The following HNRNPM variants were observed in gnomAD, a reference collection of about 807,000 sequenced individuals.
HNRNPM encodes heterogeneous nuclear ribonucleoprotein M, also known as CEA receptor.
In HNRNPM, 11 loss-of-function variants were observed where a neutral mutation model predicts 73.1. The observed-to-expected ratio is 0.15, with a 90% CI of 0.09 to 0.25. The LOEUF (loss-of-function observed/expected upper bound fraction) is 0.25. HNRNPM is among the 10% of genes least tolerant of loss of function. The pLI, the probability that HNRNPM is intolerant of heterozygous loss-of-function variation, is 1.00. For synonymous variants in HNRNPM, 407 were observed against 355.2 expected (o/e 1.15, Z -1.64); for missense variants, 789 against 1,067.9 (o/e 0.74, Z 3.64).
At chr19:8,472,172 G>GA (rs34058302) in intron 10 of HNRNPM, among the ~76,000 whole-genome samples, 1,002 of 83,476 alleles carry the variant, frequency 0.012, 11 homozygotes, top group East Asian at 0.022. Flanking sequence ...TCCGTCTCCA[G>GA]AAAAAAAAAA....
intron 10 of HNRNPM, 52 bp downstream of exon 10, chr19:8,471,479 A>T (rs972787845): frequency 2.7e-6 from 3 of 1,113,142 alleles, no homozygotes; most frequent in Non-Finnish European, 3.9e-6. Flanking sequence ...GAAAATTATT[A>T]ATTATTGGGA....
intron 10 of HNRNPM, among the ~76,000 whole-genome samples, chr19:8,472,795 C>T (rs895731373): frequency 4.6e-5 from 7 of 152,108 alleles, no homozygotes; most frequent in Non-Finnish European, 1.5e-5. Context: ...TTGGTCAGGC[C>T]GGGCTGGAAC....
chr19:8,473,935 A>C (rs150970517), intron 11 of HNRNPM, among the ~76,000 whole-genome samples: 1 of 151,622 alleles, frequency 6.6e-6, no homozygotes, highest in East Asian at 1.9e-4. Flanking sequence ...CTCCATCTCT[A>C]TGCCTCTTTT....
In HNRNPM at chr19:8,488,653, G is replaced by T. The variant is rs370923773; in HGVS notation, c.2030-38G>T. The T allele has an allele frequency of 4.4e-6, 7 of 1,580,656 alleles. No homozygotes were observed. In the South Asian group the frequency reaches 7.9e-5, roughly 18 times the overall value. ...CTGTCCACCAAAATCTAACAAAATC[G>T]GGACTGAGTGTCGTCTCTTCTTCCC... On this transcript the variant is annotated intron_variant, in intron 15 of 15. Transcript: ENST00000325495.
At chr19:8,451,176 G>A (rs1335014871) in intron 1 of HNRNPM, among the ~76,000 whole-genome samples, 1 of 152,020 alleles carries the variant, frequency 6.6e-6, no homozygotes, top group African/African-American at 2.4e-5. Flanking sequence ...CAAAGTGCTG[G>A]GATTACAGAC....
chr19:8,464,574 G>C (rs141919559), intron 5 of HNRNPM, among the ~76,000 whole-genome samples: 7 of 152,172 alleles, frequency 4.6e-5, no homozygotes, highest in African/African-American at 1.7e-4. Context: ...GGAGGTTGCA[G>C]TGAGCCGAGA....
At chr19:8,467,801 C>G (rs935782400) in intron 8 of HNRNPM, among the ~76,000 whole-genome samples, 1 of 151,992 alleles carries the variant, frequency 6.6e-6, no homozygotes, top group Non-Finnish European at 1.5e-5. Context: ...CTGAGGCAGG[C>G]GGATCATGAG....
intron 1 of HNRNPM, among the ~76,000 whole-genome samples, chr19:8,454,502 A>C (rs1415529923): frequency 6.6e-6 from 1 of 151,822 alleles, no homozygotes; most frequent in African/African-American, 2.4e-5. Flanking sequence ...GGTTGTTTCT[A>C]CCTTTTGGCT....
At chr19:8,475,411 T>C (rs922599682) in intron 12 of HNRNPM, among the ~76,000 whole-genome samples, 1 of 152,246 alleles carries the variant, frequency 6.6e-6, no homozygotes, top group Non-Finnish European at 1.5e-5. Flanking sequence ...ACAGAAACTT[T>C]CTTGGACTGA....
In HNRNPM at chr19:8,486,001, A is replaced by G. The variant is rs1971264714; in HGVS notation, c.1573A>G (p.Met525Val). The G allele has an allele frequency of 6.2e-7, 1 of 1,605,246 alleles. No homozygotes were observed. The highest frequency in any genetic ancestry group is 8.5e-7 in the Non-Finnish European group (1 of 1,179,018). The change falls in exon 14 of 16, where the codon ATG (methionine) becomes GTG (valine). Residue 525 changes from methionine to valine, a missense_variant. Met to Val is a conservative substitution (Grantham distance 21). This residue lies in a region of HNRNPM where 604 missense variants were observed against 744.0 expected (regional missense o/e 0.81). Transcript: ENST00000325495. ...GCGCATGGGCCCTGCCATCGAGCGC[A>G]TGGGCCTGAGCATGGAGCGCATGGT... ...VERMGPAIER[M>V]GLSMERMVPA...
chr19:8,445,314 C>T lies in HNRNPM; in HGVS notation c.113+203C>T, dbSNP rs1599729495. The T allele has an allele frequency of 1.4e-5, 6 of 422,936 alleles. No homozygotes were observed. In the East Asian group the frequency reaches 1.8e-4, roughly 13 times the overall value. The allele number at this position is 422,936 out of a possible 1,614,324, so 26.2% of individuals were successfully genotyped here. On this transcript the variant is annotated intron_variant, in intron 1 of 15. Transcript: ENST00000325495. ...CTCCAGAATCGTCCCCTACACCGGGCCTCGAGCCTCGCCACCCTCAGTCCC... is the reference window on the plus strand; with the variant it reads ...CTCCAGAATCGTCCCCTACACCGGGTCTCGAGCCTCGCCACCCTCAGTCCC...
chr19:8,459,443 G>A (rs1250325248), intron 2 of HNRNPM, among the ~76,000 whole-genome samples: 2 of 152,222 alleles, frequency 1.3e-5, no homozygotes, highest in East Asian at 3.9e-4. Context: ...ATGTTTCAAG[G>A]TGTCTTTATA....
At chr19:8,467,394 A>G (rs1487792938) in intron 7 of HNRNPM, 141 bp from the exon 8 acceptor site, 12 of 639,320 alleles carry the variant, frequency 1.9e-5, no homozygotes, top group Admixed American at 5.4e-5. Context: ...TTTATTGTTG[A>G]AAGTATAATG....
chr19:8,483,555 A>C (rs1971067909), intron 13 of HNRNPM, among the ~76,000 whole-genome samples: 1 of 152,228 alleles, frequency 6.6e-6, no homozygotes, highest in African/African-American at 2.4e-5. Flanking sequence ...ATAAATTCCT[A>C]AAAGTAAATA....
intron 9 of HNRNPM, 47 bp from the exon 10 acceptor site, chr19:8,471,279 G>A: frequency 2.4e-6 from 3 of 1,240,628 alleles, no homozygotes; most frequent in Non-Finnish European, 3.4e-6. Context: ...GAGGGTCAAG[G>A]TTTGCTAAAT....
chr19:8,449,321 T>G (rs1968449836), intron 1 of HNRNPM, among the ~76,000 whole-genome samples: 1 of 152,208 alleles, frequency 6.6e-6, no homozygotes, highest in Non-Finnish European at 1.5e-5. Flanking sequence ...ACTTCCCCAT[T>G]ACCATATTTT....
chr19:8,488,812 G>T lies in HNRNPM; in HGVS notation c.2151G>T (p.Leu717=). The change falls in exon 16 of 16, where the codon CTG becomes CTT. Residue 717 remains leucine, a synonymous_variant. Transcript: ENST00000325495. ...RACRMMNGMK[L]SGREIDVRID... The stretch of plus-strand genomic sequence containing the variant: ...GCCGGATGATGAATGGCATGAAGCT[G>T]AGTGGCCGAGAGATTGACGTTCGAA... 1 of 1,614,176 alleles carries T rather than the reference G, an allele frequency of 6.2e-7. No homozygotes were observed. The highest frequency in any genetic ancestry group is 1.1e-5 in the South Asian group (1 of 91,078).
intron 7 of HNRNPM, among the ~76,000 whole-genome samples, chr19:8,466,993 C>T (rs1969801366): frequency 6.6e-6 from 1 of 152,096 alleles, no homozygotes. Context: ...GAATGTGCTA[C>T]TAGAGAGAAA....
At chr19:8,447,803 G>A (rs973561493) in intron 1 of HNRNPM, among the ~76,000 whole-genome samples, 3 of 152,190 alleles carry the variant, frequency 2.0e-5, no homozygotes, top group Non-Finnish European at 4.4e-5. Context: ...GAGGCGGGCA[G>A]ATCACGAGGT....
Sources: gnomAD v4.1 joint callset for allele counts (sites outside exome capture counted in the v4.1 genomes callset) on GRCh38, gnomAD v4.1.1 for gene constraint, gnomAD v4.1.1 regional missense constraint, MANE v1.5 for transcripts, NCBI Gene and HGNC (gene_info 2026-07-23, HGNC 2026-07-21) for gene names.